Variants in EVI5 observed in about 807,000 individuals in gnomAD.
EVI5 encodes the protein ecotropic viral integration site 5, also known as ecotropic viral integration site 5 protein homolog.
A neutral mutation model predicts 112.0 loss-of-function variants in EVI5; 73 were observed. The ratio of observed to expected loss-of-function variants is 0.65; its 90% confidence interval spans 0.54 to 0.79. The LOEUF is 0.79. Among genes scored for constraint, EVI5 ranks in the 30% least tolerant of loss-of-function variants. EVI5 has a pLI of 0.00. For synonymous variants in EVI5, 305 were observed against 319.9 expected (o/e 0.95, Z 0.50); for missense variants, 900 against 968.8 (o/e 0.93, Z 0.94).
At chr1:92,545,730 G>A (rs555362602) in intron 19 of EVI5, among the ~76,000 whole-genome samples, 2 of 151,884 alleles carry the variant, frequency 1.3e-5, no homozygotes, top group Non-Finnish European at 2.9e-5. Flanking sequence ...TGTTATTTTC[G>A]GTACCACACT....
At chr1:92,543,132 A>T (rs1665102617) in intron 19 of EVI5, among the ~76,000 whole-genome samples, 1 of 152,244 alleles carries the variant, frequency 6.6e-6, no homozygotes, top group South Asian at 2.1e-4. Context: ...GGAAAGCCAT[A>T]GAGGGCATCT....
At chr1:92,543,780 G>A (rs1182734391) in intron 19 of EVI5, among the ~76,000 whole-genome samples, 1 of 152,172 alleles carries the variant, frequency 6.6e-6, no homozygotes, top group African/African-American at 2.4e-5. Context: ...AAAAAATTGT[G>A]AAAATTACCA....
rs760574385 is a variant in EVI5, at chr1:92,736,622, C to T, written c.-76G>A. The T allele has an allele frequency of 3.0e-5, 48 of 1,611,484 alleles. No homozygotes were observed. The highest frequency in any genetic ancestry group is 5.3e-5 in the African/African-American group (4 of 74,844). On this transcript the variant is annotated 5_prime_UTR_variant, in exon 2 of 20. Coordinates refer to ENST00000684568, the MANE Select transcript of EVI5 (RefSeq NM_001350197.2). ...TCAGCTTTTCTGCAACTTTGTCTGTCGCCACCTAAGGACAAAAATAAAAGT... is the reference window on the plus strand; with the variant it reads ...TCAGCTTTTCTGCAACTTTGTCTGTTGCCACCTAAGGACAAAAATAAAAGT...
intron 16 of EVI5, chr1:92,622,380 G>GT (rs1557922009): frequency 2.4e-6 from 1 of 415,870 alleles, no homozygotes; most frequent in Non-Finnish European, 4.8e-6. Flanking sequence ...CACAAAAACG[G>GT]TAAGAACCTT....
chr1:92,715,074 C>T (rs766244674), intron 2 of EVI5, among the ~76,000 whole-genome samples: 17 of 152,002 alleles, frequency 1.1e-4, no homozygotes, highest in South Asian at 4.2e-4. Context: ...GGCACGATCT[C>T]GGCTCACTGC....
In EVI5 at chr1:92,629,647, T is replaced by C. The variant is rs1031473528; in HGVS notation, c.1528-3713A>G. On this transcript the variant is annotated intron_variant, in intron 14 of 19. Transcript: ENST00000684568. ...GACAGTTCTAACAACTACACTCAGA[T>C]GAAATTTTCTTTTTTTTTCTTTTTT... 7.2e-5 allele frequency among the ~76,000 whole-genome samples: 11 copies of C among 152,144 alleles called. No homozygotes were observed. The South Asian group carries it at 8.3e-4, about 11-fold the overall frequency.
intron 19 of EVI5, among the ~76,000 whole-genome samples, chr1:92,517,868 A>G (rs918037633): frequency 1.3e-5 from 2 of 149,150 alleles, no homozygotes; most frequent in African/African-American, 4.9e-5. Flanking sequence ...TGAAAATTAC[A>G]CATACAATAT....
At chr1:92,783,499 A>G (rs1366373113) in intron 1 of EVI5, among the ~76,000 whole-genome samples, 1 of 4,192 alleles carries the variant, frequency 2.4e-4, no homozygotes, top group Non-Finnish European at 8.7e-4. Flanking sequence ...AAAAAAAAAA[A>G]AAAAAAAAGA....
At chr1:92,626,910 G>GTCAC (rs1655791279) in intron 14 of EVI5, among the ~76,000 whole-genome samples, 1 of 152,076 alleles carries the variant, frequency 6.6e-6, no homozygotes, top group African/African-American at 2.4e-5. Context: ...CTGTGTATTA[G>GTCAC]TCACTATTTA....
At chr1:92,517,131 T>A (rs1271807622) in intron 19 of EVI5, among the ~76,000 whole-genome samples, 1 of 152,212 alleles carries the variant, frequency 6.6e-6, no homozygotes, top group Non-Finnish European at 1.5e-5. Context: ...GCGACCCACA[T>A]TCATGGATTC....
intron 2 of EVI5, among the ~76,000 whole-genome samples, chr1:92,713,009 A>G (rs1673072227): frequency 6.6e-6 from 1 of 151,756 alleles, no homozygotes; most frequent in African/African-American, 2.4e-5. Flanking sequence ...GCTGGTCTCA[A>G]ACTCCTGGGC....
At chr1:92,547,819 G>A (rs1430931431) in intron 19 of EVI5, among the ~76,000 whole-genome samples, 1 of 152,170 alleles carries the variant, frequency 6.6e-6, no homozygotes, top group African/African-American at 2.4e-5. Context: ...TCTCTGAATA[G>A]ACCAATAACA....
chr1:92,789,759 C>T (rs1431814011), upstream of EVI5, among the ~76,000 whole-genome samples: 3 of 152,122 alleles, frequency 2.0e-5, no homozygotes, highest in Admixed American at 2.0e-4. Flanking sequence ...CTCTAAACTG[C>T]CAAAGGTGTT....
At chr1:92,589,765 T>C (rs545257302) in intron 18 of EVI5, among the ~76,000 whole-genome samples, 2 of 152,080 alleles carry the variant, frequency 1.3e-5, no homozygotes, top group South Asian at 2.1e-4. Flanking sequence ...TTGAAGAGAG[T>C]AGCGGTTCTC....
chr1:92,786,235 GAAA>G (rs33914637), upstream of EVI5, among the ~76,000 whole-genome samples: 2,841 of 139,772 alleles, frequency 0.02, 57 homozygotes, highest in African/African-American at 0.043. Context: ...AAGCATTTCA[GAAA>G]AAAAAAAAAA....
At chr1:92,544,950 C>T (rs1271048790) in intron 19 of EVI5, among the ~76,000 whole-genome samples, 4 of 152,144 alleles carry the variant, frequency 2.6e-5, no homozygotes, top group African/African-American at 9.7e-5. Flanking sequence ...GTCTTTGACA[C>T]GTACTATTGG....
chr1:92,589,130 G>C (rs1175242401), intron 18 of EVI5, among the ~76,000 whole-genome samples: 1 of 152,158 alleles, frequency 6.6e-6, no homozygotes, highest in Non-Finnish European at 1.5e-5. Flanking sequence ...GCTGACTTTT[G>C]GGGGTGGAGC....
At chr1:92,773,414 T>C (rs1171909973) in intron 1 of EVI5, among the ~76,000 whole-genome samples, 1 of 152,086 alleles carries the variant, frequency 6.6e-6, no homozygotes, top group Non-Finnish European at 1.5e-5. Context: ...TTATGTGAAG[T>C]TCAAGAACAA....
At chr1:92,619,464 A>ATC (rs1458528222) in intron 16 of EVI5, among the ~76,000 whole-genome samples, 12 of 150,958 alleles carry the variant, frequency 7.9e-5, no homozygotes, top group South Asian at 2.1e-4. Flanking sequence ...ATATATATAT[A>ATC]TCCTATTAGT....
Sources: allele counts gnomAD v4.1 joint callset (sites outside exome capture counted in the v4.1 genomes callset), GRCh38; gene constraint gnomAD v4.1.1; transcripts MANE v1.5; gene names NCBI Gene and HGNC (gene_info 2026-07-23, HGNC 2026-07-21).